CCDC158: variants seen among roughly 807,000 people sequenced by gnomAD.
CCDC158 encodes coiled-coil domain-containing protein 158.
CCDC158 carries 116 observed loss-of-function variants against 138.6 expected under a neutral mutation model. The ratio of observed to expected loss-of-function variants is 0.84; its 90% CI spans 0.72 to 0.98. The LOEUF is 0.98. Ranked by LOEUF, CCDC158 falls within the 50% of genes least tolerant of loss-of-function variation. The probability of loss-of-function intolerance (pLI) is 0.00; values close to 1 mark genes in which losing one functional copy is unlikely to be tolerated. For missense variants in CCDC158, 1,265 were observed against 1,306.1 expected, an observed-to-expected ratio of 0.97 and a Z score of 0.48; for synonymous variants, 436 against 442.4, an observed-to-expected ratio of 0.99 and a Z score of 0.18.
rs752423971 is a variant in CCDC158 at position 76,334,198 on chromosome 4, T to C, written c.2665-31A>G. The stretch of plus-strand genomic sequence containing the variant: ...TTAAAACAATTTACAAAGACACTTA[T>C]TTTTTCAGATTTCTATGCTATTTCC... On this transcript the variant is annotated intron_variant, in intron 18 of 24. Coordinates refer to ENST00000682701, the MANE Select transcript of CCDC158 (RefSeq NM_001394954.1). 6.8e-6 allele frequency: 10 copies of C among 1,479,478 alleles called. No homozygotes were observed. In the East Asian group the frequency reaches 2.4e-4, roughly 35 times the overall value. 91.6% of individuals were successfully genotyped at this position (1,479,478 alleles called of 1,614,324 possible).
At chr4:76,329,721 A>T (rs1470617130) in intron 21 of CCDC158, among the ~76,000 whole-genome samples, 2 of 152,240 alleles carry the variant, frequency 1.3e-5, no homozygotes, top group East Asian at 3.8e-4. Context: ...ATATTATGGC[A>T]GCAGTTCTCA....
intron 4 of CCDC158, among the ~76,000 whole-genome samples, chr4:76,385,431 G>A (rs547962902): frequency 6.6e-6 from 1 of 152,252 alleles, no homozygotes; most frequent in African/African-American, 2.4e-5. Context: ...AGAAATTCAA[G>A]AGACATTATC....
chr4:76,363,969 G>A (rs968915435), intron 12 of CCDC158, among the ~76,000 whole-genome samples: 6 of 152,062 alleles, frequency 3.9e-5, no homozygotes, highest in Non-Finnish European at 7.4e-5. Flanking sequence ...GTTTGTGGTG[G>A]TGAAAGTATC....
At chr4:76,399,634 A>G (rs1728161292) in intron 3 of CCDC158, among the ~76,000 whole-genome samples, 1 of 152,204 alleles carries the variant, frequency 6.6e-6, no homozygotes, top group Admixed American at 6.5e-5. Flanking sequence ...TAGGTAGGGA[A>G]TACAGATTTT....
intron 4 of CCDC158, among the ~76,000 whole-genome samples, chr4:76,388,667 C>A (rs1367648801): frequency 6.6e-6 from 1 of 152,126 alleles, no homozygotes; most frequent in African/African-American, 2.4e-5. Flanking sequence ...GATCTTATCA[C>A]CCTGAAGGGA....
chr4:76,407,886 C>T (rs563222962), intron 2 of CCDC158, among the ~76,000 whole-genome samples: 3 of 152,154 alleles, frequency 2.0e-5, no homozygotes, highest in East Asian at 1.9e-4. Context: ...TCTACTTCGA[C>T]GTAAGATGAT....
intron 24 of CCDC158, among the ~76,000 whole-genome samples, chr4:76,317,221 G>A (rs1244737795): frequency 6.6e-6 from 1 of 152,078 alleles, no homozygotes; most frequent in East Asian, 1.9e-4. Context: ...CCAAGTATCT[G>A]CTGTCTTCAA....
intron 2 of CCDC158, among the ~76,000 whole-genome samples, chr4:76,406,606 T>A (rs1406931716): frequency 1.3e-5 from 2 of 152,068 alleles, no homozygotes; most frequent in African/African-American, 4.8e-5. Context: ...TAGGTTTCCA[T>A]AAAGTAGAAA....
intron 18 of CCDC158, 24 bp downstream of exon 18, chr4:76,350,972 T>G (rs370600320): frequency 8.1e-6 from 13 of 1,606,164 alleles, no homozygotes; most frequent in Non-Finnish European, 1.1e-5. Flanking sequence ...ATTTGCGTAA[T>G]GGATCATAAG....
intron 13 of CCDC158, among the ~76,000 whole-genome samples, chr4:76,358,668 C>G (rs1301015432): frequency 2.0e-5 from 3 of 152,184 alleles, no homozygotes; most frequent in Admixed American, 1.3e-4. Context: ...TCCTTTTCCT[C>G]TTTCAAACCC....
At chr4:76,387,561 A>T (rs1411936054) in intron 4 of CCDC158, among the ~76,000 whole-genome samples, 2 of 151,978 alleles carry the variant, frequency 1.3e-5, no homozygotes, top group Admixed American at 6.6e-5. Context: ...GCGGTAGCTC[A>T]CGCCTGTAGT....
chr4:76,326,330 T>A (rs1720527801), intron 22 of CCDC158, among the ~76,000 whole-genome samples: 1 of 152,140 alleles, frequency 6.6e-6, no homozygotes, highest in Non-Finnish European at 1.5e-5. Flanking sequence ...AGTAAGGTAA[T>A]CTCATTCATA....
intron 2 of CCDC158, among the ~76,000 whole-genome samples, chr4:76,407,500 G>T (rs1728925859): frequency 6.6e-6 from 1 of 152,100 alleles, no homozygotes; most frequent in East Asian, 1.9e-4. Flanking sequence ...TCTATGCTGT[G>T]TACAAGAAGG....
At chr4:76,368,990 C>T (rs1724961613) in intron 11 of CCDC158, among the ~76,000 whole-genome samples, 1 of 151,854 alleles carries the variant, frequency 6.6e-6, no homozygotes, top group African/African-American at 2.4e-5. Context: ...CTGAGGTGGG[C>T]AGATCATGAG....
chr4:76,326,929 G>A (rs1050515578), intron 22 of CCDC158, among the ~76,000 whole-genome samples: 2 of 152,096 alleles, frequency 1.3e-5, no homozygotes, highest in Admixed American at 1.3e-4. Context: ...GTGTAAATAT[G>A]TGGGTATATC....
chr4:76,371,469 T>C lies in CCDC158; in HGVS notation c.1097A>G (p.Asp366Gly). ...SELTEARTER[D>G]QFSQESGNLD... ...ATTTCCAGATTCCTGACTGAATTGA[T>C]CACGCTCTGTCCGGGCTTCAGTTAG... The change falls in exon 10 of 25, where the codon GAT becomes GGT. Residue 366 changes from aspartate (D) to glycine (G), a missense_variant. Transcript: ENST00000682701. The C allele has an allele frequency of 6.2e-7, 1 of 1,614,184 alleles. No homozygotes were observed. The highest frequency in any genetic ancestry group is 1.1e-5 in the South Asian group (1 of 91,082).
At chr4:76,401,800 T>C (rs1728416074) in intron 3 of CCDC158, among the ~76,000 whole-genome samples, 2 of 152,146 alleles carry the variant, frequency 1.3e-5, no homozygotes, top group Admixed American at 1.3e-4. Flanking sequence ...AGGATGACGA[T>C]GCACCTAAGC....
intron 24 of CCDC158, among the ~76,000 whole-genome samples, chr4:76,321,797 A>G (rs1720040558): frequency 6.8e-6 from 1 of 147,450 alleles, no homozygotes; most frequent in African/African-American, 2.5e-5. Context: ...ATATGTATAT[A>G]TATACACACC....
intron 2 of CCDC158, among the ~76,000 whole-genome samples, chr4:76,405,652 A>G (rs1728760009): frequency 6.6e-6 from 1 of 152,178 alleles, no homozygotes; most frequent in South Asian, 2.1e-4. Context: ...GACAAAGGAG[A>G]ATAAATGTAA....
Sources: gnomAD v4.1 joint callset for allele counts (sites outside exome capture counted in the v4.1 genomes callset) on GRCh38, gnomAD v4.1.1 for gene constraint, MANE v1.5 for transcripts, NCBI Gene and HGNC (gene_info 2026-07-23, HGNC 2026-07-21) for gene names.